Variants in DTD1 observed in about 807,000 individuals in gnomAD.
DTD1 encodes D-tyrosyl-tRNA deacylase 1 homolog.
A neutral mutation model predicts 25.6 loss-of-function variants in DTD1; 13 were observed. That is an observed-to-expected ratio of 0.51 (90% CI 0.33 to 0.81). The LOEUF is 0.81. Among genes scored for constraint, DTD1 ranks in the 30% least tolerant of loss-of-function variants. The pLI is 0.02. For missense variants in DTD1, 193 were observed against 266.4 expected, an observed-to-expected ratio of 0.72 and a Z score of 1.92; for synonymous variants, 110 against 103.6, an observed-to-expected ratio of 1.06 and a Z score of -0.37.
chr20:18,655,752 G>C (rs753995493), intron 4 of DTD1, among the ~76,000 whole-genome samples: 3 of 152,060 alleles, frequency 2.0e-5, no homozygotes, highest in Non-Finnish European at 4.4e-5. Flanking sequence ...CATTTCATTT[G>C]TTTTCTTTTT....
intron 4 of DTD1, among the ~76,000 whole-genome samples, chr20:18,676,074 G>A (rs953833519): frequency 1.3e-5 from 2 of 152,126 alleles, no homozygotes; most frequent in African/African-American, 4.8e-5. Context: ...TTGGAGTTAT[G>A]CTCTAGTTTT....
chr20:18,712,308 A>G (rs1013775516), intron 4 of DTD1, among the ~76,000 whole-genome samples: 1 of 144,608 alleles, frequency 6.9e-6, no homozygotes, highest in Non-Finnish European at 1.5e-5. Context: ...GCTCATAAAC[A>G]TTAGCAATTG....
chr20:18,613,870 G>T (rs1315894912), intron 3 of DTD1, among the ~76,000 whole-genome samples: 2 of 152,182 alleles, frequency 1.3e-5, no homozygotes, highest in African/African-American at 2.4e-5. Context: ...CTTTATGCTT[G>T]TATGTGGGTA....
chr20:18,654,226 G>A (rs1471708263), intron 4 of DTD1, among the ~76,000 whole-genome samples: 3 of 152,142 alleles, frequency 2.0e-5, no homozygotes, highest in African/African-American at 7.2e-5. Flanking sequence ...TTCCTGTGCT[G>A]TTCTCATGAT....
At chr20:18,642,447 A>G (rs190138366) in intron 4 of DTD1, among the ~76,000 whole-genome samples, 151 of 151,836 alleles carry the variant, frequency 9.9e-4, no homozygotes, top group Admixed American at 9.5e-3. Flanking sequence ...TTTATTTTTT[A>G]TCATAGAGAC....
At chr20:18,762,291 A>G (rs147064361) in intron 5 of DTD1, among the ~76,000 whole-genome samples, 43 of 152,336 alleles carry the variant, frequency 2.8e-4, no homozygotes, top group African/African-American at 9.4e-4. Context: ...GATCTGAGGG[A>G]ATAGAAACTC....
At chr20:18,689,928 A>G (rs372779800) in intron 4 of DTD1, among the ~76,000 whole-genome samples, 1 of 9,846 alleles carries the variant, frequency 1.0e-4, no homozygotes, top group East Asian at 1.9e-3. Context: ...CTTGAGGCCA[A>G]GAGTTAAAGA....
intron 4 of DTD1, among the ~76,000 whole-genome samples, chr20:18,654,665 G>T (rs1413683583): frequency 6.6e-6 from 1 of 152,122 alleles, no homozygotes; most frequent in Non-Finnish European, 1.5e-5. Flanking sequence ...TACCCATTCT[G>T]CTGTGTTTCT....
intron 3 of DTD1, 73 bp downstream of exon 3, chr20:18,596,314 C>T: frequency 1.6e-6 from 2 of 1,231,002 alleles, no homozygotes; most frequent in East Asian, 2.5e-5. Context: ...GAAGCTGCAA[C>T]TGCAGCATCT....
At chr20:18,708,666 G>A (rs2061146053) in intron 4 of DTD1, among the ~76,000 whole-genome samples, 1 of 151,860 alleles carries the variant, frequency 6.6e-6, no homozygotes, top group African/African-American at 2.4e-5. Flanking sequence ...ACGAACTGCT[G>A]TAAACATTTC....
intron 4 of DTD1, among the ~76,000 whole-genome samples, chr20:18,671,827 G>C (rs566009427): frequency 6.6e-6 from 1 of 152,184 alleles, no homozygotes; most frequent in African/African-American, 2.4e-5. Flanking sequence ...TTGAGGGCAG[G>C]AAACATAAAC....
intron 4 of DTD1, among the ~76,000 whole-genome samples, chr20:18,681,753 G>A (rs866938530): frequency 6.6e-6 from 1 of 152,112 alleles, no homozygotes; most frequent in Non-Finnish European, 1.5e-5. Context: ...AGACCTGTCC[G>A]GCAAGAAATG....
At chr20:18,694,398 CT>C (rs1213985691) in intron 4 of DTD1, among the ~76,000 whole-genome samples, 2 of 152,164 alleles carry the variant, frequency 1.3e-5, no homozygotes, top group African/African-American at 4.8e-5. Context: ...CAGTTGGTCC[CT>C]TTGCCTCTCT....
intron 4 of DTD1, among the ~76,000 whole-genome samples, chr20:18,723,050 A>C (rs2061210711): frequency 6.6e-6 from 1 of 152,156 alleles, no homozygotes; most frequent in African/African-American, 2.4e-5. Context: ...TGGCTTGTGG[A>C]AAGAGTCATA....
rs1035293704 is a variant in DTD1 at position 18,664,535 on chromosome 20, G to A, written c.477+36302G>A. On this transcript the variant is annotated intron_variant, in intron 4 of 5. Transcript: ENST00000377452. ...TCTACAGCAGGATTCAAGATTCTGCGGTGATGCTGTCCTGAATCCATGAGC... is the reference window on the plus strand; with the variant it reads ...TCTACAGCAGGATTCAAGATTCTGCAGTGATGCTGTCCTGAATCCATGAGC... 2.6e-5 allele frequency among the ~76,000 whole-genome samples: 4 copies of A among 152,250 alleles called. No homozygotes were observed. In the East Asian group the frequency reaches 7.7e-4, roughly 29 times the overall value.
chr20:18,716,564 T>G (rs2061181597), intron 4 of DTD1, among the ~76,000 whole-genome samples: 1 of 152,232 alleles, frequency 6.6e-6, no homozygotes, highest in Non-Finnish European at 1.5e-5. Flanking sequence ...TTTTCTTTCT[T>G]GTTTATCTTG....
chr20:18,763,335 A>G (rs1223453279), intron 5 of DTD1, 25 bp from the exon 6 acceptor site: 1 of 152,672 alleles, frequency 6.5e-6, no homozygotes, highest in African/African-American at 2.4e-5. Flanking sequence ...CCTTCTTAAT[A>G]ACGTGTCTTC....
At chr20:18,690,354 G>T (rs1285336197) in intron 4 of DTD1, among the ~76,000 whole-genome samples, 1 of 151,938 alleles carries the variant, frequency 6.6e-6, no homozygotes, top group African/African-American at 2.4e-5. Flanking sequence ...GTTTAATTAG[G>T]TTCCACTTGT....
At position 18,596,158 on chromosome 20, in the gene DTD1, C is replaced by T; in HGVS notation, c.287C>T (p.Ala96Val). 6.2e-7 allele frequency: 1 copy of T among 1,614,180 alleles called. No individual in the cohort carries two copies. Among genetic ancestry groups the T allele is most frequent in the Non-Finnish European group, 8.5e-7 (1 of 1,180,034 alleles). The change falls in exon 3 of 6, where the codon GCA becomes GTA. Residue 96 changes from alanine (A) to valine (V), a missense_variant. Transcript: ENST00000377452. ...GGAAACAAGCCTGATTTCCACCTAG[C>T]AATGCCCACGGAGCAGGCAGAGGGC... Reference protein sequence around the residue: ...LKGNKPDFHLAMPTEQAEGFY... With the variant: ...LKGNKPDFHLVMPTEQAEGFY...
Sources: gnomAD v4.1 joint callset for allele counts (sites outside exome capture counted in the v4.1 genomes callset) on GRCh38, gnomAD v4.1.1 for gene constraint, MANE v1.5 for transcripts, NCBI Gene and HGNC (gene_info 2026-07-23, HGNC 2026-07-21) for gene names.